The following SLC18A2 variants were observed in gnomAD, a reference collection of about 807,000 sequenced individuals.
SLC18A2 encodes solute carrier family 18 member A2.
In SLC18A2, 33 loss-of-function variants were observed where a neutral mutation model predicts 59.2. The observed-to-expected ratio is 0.56, with a 90% CI of 0.42 to 0.75. SLC18A2 has a LOEUF of 0.75. SLC18A2 is among the 30% of genes least tolerant of loss of function. The pLI, the probability that SLC18A2 is intolerant of heterozygous loss-of-function variation, is 0.00. For missense variants in SLC18A2, 569 were observed against 668.6 expected (o/e 0.85, Z 1.64); for synonymous variants, 228 against 253.5 (o/e 0.90, Z 0.95).
At chr10:117,251,350 T>C (rs1266008882) in intron 3 of SLC18A2, among the ~76,000 whole-genome samples, 1 of 152,216 alleles carries the variant, frequency 6.6e-6, no homozygotes, top group Non-Finnish European at 1.5e-5. Flanking sequence ...CAGTGCCGTG[T>C]GAGCCCCCGG....
chr10:117,254,536 G>T, intron 6 of SLC18A2, 39 bp downstream of exon 6: 2 of 1,489,094 alleles, frequency 1.3e-6, no homozygotes, highest in South Asian at 2.5e-5. Context: ...GGCAAGAGGG[G>T]CCTGCCTGGT....
At chr10:117,250,628 G>A (rs1296176851) in intron 3 of SLC18A2, among the ~76,000 whole-genome samples, 1 of 152,220 alleles carries the variant, frequency 6.6e-6, no homozygotes, top group Non-Finnish European at 1.5e-5. Flanking sequence ...CCACCCAGGT[G>A]CACATCAGCA....
At chr10:117,246,407 G>A (rs1295829865) in intron 3 of SLC18A2, among the ~76,000 whole-genome samples, 1 of 152,172 alleles carries the variant, frequency 6.6e-6, no homozygotes, top group East Asian at 1.9e-4. Flanking sequence ...AAACCAGTGA[G>A]CTCTTTCCCC....
At chr10:117,250,206 A>G (rs1844147150) in intron 3 of SLC18A2, among the ~76,000 whole-genome samples, 1 of 152,124 alleles carries the variant, frequency 6.6e-6, no homozygotes. Context: ...CTGGGGAAAA[A>G]TGATGCCCAG....
At chr10:117,262,420 A>C (rs1433035316) in intron 10 of SLC18A2, among the ~76,000 whole-genome samples, 3 of 152,182 alleles carry the variant, frequency 2.0e-5, no homozygotes, top group African/African-American at 7.2e-5. Flanking sequence ...GCCGCTTGGC[A>C]GGAGGGGTGG....
intron 3 of SLC18A2, among the ~76,000 whole-genome samples, chr10:117,251,822 T>G (rs962227800): frequency 5.9e-5 from 9 of 152,168 alleles, no homozygotes; most frequent in African/African-American, 2.2e-4. Context: ...TAATGACAGA[T>G]ATCATGCCTC....
chr10:117,265,958 C>CGG (rs1844343004), intron 10 of SLC18A2, among the ~76,000 whole-genome samples: 1 of 151,988 alleles, frequency 6.6e-6, no homozygotes, highest in Non-Finnish European at 1.5e-5. Context: ...GGCGTGGTGG[C>CGG]GCATGCCTGT....
intron 2 of SLC18A2, among the ~76,000 whole-genome samples, 195 bp from the exon 3 acceptor site, chr10:117,243,775 AG>A (rs1440947047): frequency 6.6e-6 from 1 of 151,962 alleles, no homozygotes. Flanking sequence ...TAGTAGAGAG[AG>A]GGTTTCTCCA....
At chr10:117,253,260 A>G in intron 3 of SLC18A2, 139 bp from the exon 4 acceptor site, 1 of 673,786 alleles carries the variant, frequency 1.5e-6, no homozygotes, top group Non-Finnish European at 2.7e-6. Flanking sequence ...CATAGGAAGC[A>G]CTGAGTATAT....
rs779480733 is a variant in SLC18A2 at position 117,267,711 on chromosome 10, G to C, written c.1161G>C (p.Pro387=). 1 of 1,564,600 alleles carries C rather than the reference G, an allele frequency of 6.4e-7. No homozygotes were observed. The highest frequency in any genetic ancestry group is 8.8e-7 in the Non-Finnish European group (1 of 1,142,156). ...FAKNIYGLIA[P]NFGVGFAIGM... ...AAAACATTTATGGACTCATAGCTCC[G>C]AACTTTGGAGTTGGTTTTGCAATTG... is the stretch of plus-strand genomic sequence containing the variant. The change falls in exon 13 of 16, where the codon CCG becomes CCC. Residue 387 remains proline, a synonymous_variant. Coordinates refer to ENST00000644641, the MANE Select transcript of SLC18A2 (RefSeq NM_003054.6).
intron 2 of SLC18A2, among the ~76,000 whole-genome samples, chr10:117,242,558 G>A (rs944265839): frequency 1.3e-5 from 2 of 152,148 alleles, no homozygotes; most frequent in East Asian, 1.9e-4. Flanking sequence ...AGTTTTCAGA[G>A]CATCTGATAG....
intron 3 of SLC18A2, among the ~76,000 whole-genome samples, chr10:117,245,415 G>A (rs1012689627): frequency 8.5e-5 from 13 of 152,284 alleles, no homozygotes; most frequent in African/African-American, 3.1e-4. Flanking sequence ...GGCTGAGAAA[G>A]GAGTGGGATT....
chr10:117,255,125 C>A, intron 6 of SLC18A2, 152 bp from the exon 7 acceptor site: 1 of 698,684 alleles, frequency 1.4e-6, no homozygotes, highest in Non-Finnish European at 2.4e-6. Context: ...GCCAAGACAA[C>A]TGAACTCTAA....
At chr10:117,247,191 T>C (rs1234729623) in intron 3 of SLC18A2, among the ~76,000 whole-genome samples, 3 of 152,224 alleles carry the variant, frequency 2.0e-5, no homozygotes, top group African/African-American at 7.2e-5. Context: ...ACTGTGCCAA[T>C]CACATCCTCC....
At chr10:117,247,874 C>G (rs363397) in intron 3 of SLC18A2, among the ~76,000 whole-genome samples, 9,287 of 152,286 alleles carry the variant, frequency 0.061, 456 homozygotes, top group Admixed American at 0.16. Flanking sequence ...ACATTCTACA[C>G]CACACCACAC....
intron 3 of SLC18A2, among the ~76,000 whole-genome samples, chr10:117,246,996 C>G (rs1350004026): frequency 3.3e-5 from 5 of 152,196 alleles, no homozygotes; most frequent in Admixed American, 3.3e-4. Flanking sequence ...TGTAATTTGT[C>G]TCATAATTTC....
chr10:117,261,330 A>G (rs935632840), intron 10 of SLC18A2, among the ~76,000 whole-genome samples: 1 of 152,198 alleles, frequency 6.6e-6, no homozygotes, highest in Non-Finnish European at 1.5e-5. Flanking sequence ...CCCAGGAGAC[A>G]GAGTTTTGCT....
intron 12 of SLC18A2, chr10:117,267,380 T>G: frequency 2.2e-6 from 1 of 451,400 alleles, no homozygotes; most frequent in Non-Finnish European, 3.9e-6. Context: ...ATGGCCAATA[T>G]CCATCCCTCA....
rs1011321177 is a variant in SLC18A2 at position 117,269,205 on chromosome 10, A to G, written c.1187-866A>G. ...CACATACACACACACCTACACACAT[A>G]CACATACACACACATACACAAATAC... On this transcript the variant is annotated intron_variant, in intron 13 of 15. Coordinates refer to ENST00000644641, the MANE Select transcript of SLC18A2 (RefSeq NM_003054.6). The surrounding 1 kb of genome is among the most constrained non-coding windows in gnomAD (Gnocchi z 5.1). 2.1e-5 allele frequency among the ~76,000 whole-genome samples: 2 copies of G among 93,686 alleles called. No individual in the cohort carries two copies. Among genetic ancestry groups the G allele is most frequent in the Admixed American group, 2.1e-4 (2 of 9,594 alleles). 61.5% of individuals were successfully genotyped at this position (93,686 alleles called of 152,430 possible).
Sources: allele counts gnomAD v4.1 joint callset (sites outside exome capture counted in the v4.1 genomes callset), GRCh38; gene constraint gnomAD v4.1.1; non-coding constraint Gnocchi (gnomAD v3.1); transcripts MANE v1.5; gene names NCBI Gene and HGNC (gene_info 2026-07-23, HGNC 2026-07-21).